The following PPFIBP2 variants were observed in gnomAD, a reference collection of about 807,000 sequenced individuals.
PPFIBP2 encodes PPFIB scaffold protein 2.
PPFIBP2 carries 118 observed loss-of-function variants against 118.3 expected under a neutral mutation model. That is an observed-to-expected ratio of 1.00 (90% CI 0.86 to 1.16). The LOEUF is 1.16. Among genes scored for constraint, PPFIBP2 ranks in the 50% most tolerant of loss-of-function variants. The pLI is 0.00. For synonymous variants in PPFIBP2, 414 were observed against 397.4 expected, an observed-to-expected ratio of 1.04 and a Z score of -0.50; for missense variants, 1,195 against 1,073.1, an observed-to-expected ratio of 1.11 and a Z score of -1.59.
At chr11:7,521,010 G>C (rs1179558290) in intron 1 of PPFIBP2, among the ~76,000 whole-genome samples, 1 of 152,170 alleles carries the variant, frequency 6.6e-6, no homozygotes, top group Non-Finnish European at 1.5e-5. Context: ...AGAATAATCT[G>C]TTTAGCTTTA....
In PPFIBP2 at chr11:7,642,369, T is replaced by C. The variant is rs760055395; in HGVS notation, c.1589T>C (p.Leu530Pro). 4 of 1,613,950 alleles carry C rather than the reference T, an allele frequency of 2.5e-6. No homozygotes were observed. The highest frequency in any genetic ancestry group is 2.2e-5 in the South Asian group (2 of 91,064). ...LGMAEFRRGGLRATAGPRLSR... is the reference protein window; with the variant it reads ...LGMAEFRRGGPRATAGPRLSR... ...ATGGCAGAGTTTCGACGAGGTGGGC[T>C]CCGGGCAACCGCAGGGCCAAGACTC... is the stretch of plus-strand genomic sequence containing the variant. Residue 530 changes from leucine to proline, a missense_variant, in exon 17 of 24, where the codon CTC becomes CCC. Physicochemically the swap from Leu to Pro is moderately conservative, Grantham distance 98. Coordinates refer to ENST00000299492, the MANE Select transcript of PPFIBP2 (RefSeq NM_003621.5).
At chr11:7,606,778 A>G (rs551383917) in intron 5 of PPFIBP2, among the ~76,000 whole-genome samples, 110 of 151,288 alleles carry the variant, frequency 7.3e-4, no homozygotes, top group Admixed American at 1.9e-3. Flanking sequence ...TTTGGCAATG[A>G]TGGAAGCAGA....
At chr11:7,639,962 C>T in intron 15 of PPFIBP2, 92 bp downstream of exon 15, 1 of 1,490,450 alleles carries the variant, frequency 6.7e-7, no homozygotes. Context: ...CCACCACAAT[C>T]CACAATTGGA....
chr11:7,616,787 C>T lies in PPFIBP2; in HGVS notation c.619-4148C>T, dbSNP rs1355351992. ...GTGTTTGTGTGTGTGCCCCAGTGTG[C>T]ACCCATCTCTGCTATTGCTTCTGCT... On this transcript the variant is annotated intron_variant, in intron 6 of 23. Transcript: ENST00000299492. This position sits in a 1 kb window ranked among gnomAD's most constrained non-coding sequence, Gnocchi z 5.2. Among the ~76,000 whole-genome samples the T allele has an allele frequency of 6.6e-6, 1 of 151,840 alleles. No individual in the cohort carries two copies. The highest frequency in any genetic ancestry group is 1.5e-5 in the Non-Finnish European group (1 of 68,004).
chr11:7,592,333 AT>A (rs1306453982), intron 3 of PPFIBP2, among the ~76,000 whole-genome samples: 2 of 152,020 alleles, frequency 1.3e-5, no homozygotes, highest in Admixed American at 6.6e-5. Flanking sequence ...TGCTTGGGAC[AT>A]TTGTAAGATT....
intron 1 of PPFIBP2, among the ~76,000 whole-genome samples, chr11:7,530,576 A>G (rs1850600922): frequency 6.6e-6 from 1 of 152,220 alleles, no homozygotes; most frequent in African/African-American, 2.4e-5. Flanking sequence ...TCTGTGAACC[A>G]AGAAGCAATC....
intron 17 of PPFIBP2, among the ~76,000 whole-genome samples, chr11:7,645,045 A>C (rs1391405746): frequency 5.4e-5 from 8 of 147,156 alleles, no homozygotes; most frequent in Non-Finnish European, 9.1e-5. Flanking sequence ...AAAAAAAAAA[A>C]AAAAAAAAAA....
chr11:7,558,832 A>G (rs1185164006), intron 2 of PPFIBP2, among the ~76,000 whole-genome samples: 4 of 152,186 alleles, frequency 2.6e-5, no homozygotes, highest in Non-Finnish European at 5.9e-5. Flanking sequence ...TATCCTCAAA[A>G]ATAATTATTA....
At chr11:7,643,173 A>G (rs7103617) in intron 17 of PPFIBP2, among the ~76,000 whole-genome samples, 12,580 of 152,292 alleles carry the variant, frequency 0.083, 574 homozygotes, top group African/African-American at 0.12. Context: ...TGTATATTCA[A>G]TAATTAGATA....
At chr11:7,666,071 G>A in the PPFIBP2 span, 1 of 676,006 alleles carries the variant, frequency 1.5e-6, no homozygotes, top group East Asian at 2.7e-5. Flanking sequence ...CAGGTGAGGT[G>A]GGCGGTAAGG....
At chr11:7,651,216 T>G in intron 22 of PPFIBP2, 1 of 400,264 alleles carries the variant, frequency 2.5e-6, no homozygotes, top group Non-Finnish European at 4.5e-6. Flanking sequence ...ATGGGTTGCA[T>G]GGAGACCAAC....
chr11:7,543,113 A>G (rs193189085), intron 1 of PPFIBP2, among the ~76,000 whole-genome samples: 82 of 152,350 alleles, frequency 5.4e-4, no homozygotes, highest in African/African-American at 1.9e-3. Context: ...CGCTGCCATC[A>G]AATTCCTTCA....
intron 2 of PPFIBP2, among the ~76,000 whole-genome samples, chr11:7,553,723 G>A (rs1853259334): frequency 6.6e-6 from 1 of 152,216 alleles, no homozygotes; most frequent in Non-Finnish European, 1.5e-5. Context: ...CCTAGAAAGT[G>A]CTTAATTGAT....
At chr11:7,520,503 A>G (rs1347921460) in intron 1 of PPFIBP2, among the ~76,000 whole-genome samples, 1 of 151,284 alleles carries the variant, frequency 6.6e-6, no homozygotes, top group Non-Finnish European at 1.5e-5. Context: ...ACTTGGCCAT[A>G]AGATTTTTTT....
At chr11:7,607,386 T>G (rs907255966) in intron 5 of PPFIBP2, among the ~76,000 whole-genome samples, 4 of 151,350 alleles carry the variant, frequency 2.6e-5, no homozygotes, top group African/African-American at 9.7e-5. Flanking sequence ...ATTTTTTTTT[T>G]GCGTATGTAT....
chr11:7,664,559 T>C, the PPFIBP2 span, among the ~76,000 whole-genome samples: 8 of 152,204 alleles, frequency 5.3e-5, no homozygotes, highest in African/African-American at 1.9e-4. Flanking sequence ...CTTTGTTATC[T>C]GTTCCCTGAG....
intron 2 of PPFIBP2, among the ~76,000 whole-genome samples, chr11:7,563,950 G>A (rs1260503593): frequency 2.6e-5 from 4 of 152,120 alleles, no homozygotes; most frequent in Non-Finnish European, 4.4e-5. Context: ...TGGATCATGA[G>A]GTCAGGAGAT....
intron 3 of PPFIBP2, among the ~76,000 whole-genome samples, chr11:7,588,104 G>T (rs1858541974): frequency 6.6e-6 from 1 of 152,146 alleles, no homozygotes; most frequent in African/African-American, 2.4e-5. Context: ...CAGAAATCTT[G>T]ATTTCTTTGA....
At chr11:7,653,915 G>A (rs572654853), downstream of PPFIBP2, 20 of 710,668 alleles carry the variant, frequency 2.8e-5, no homozygotes, top group Middle Eastern at 5.8e-4. Flanking sequence ...AGAGCAAGGC[G>A]GGACCCCCTC....
Sources: allele counts gnomAD v4.1 joint callset (sites outside exome capture counted in the v4.1 genomes callset), GRCh38; gene constraint gnomAD v4.1.1; non-coding constraint Gnocchi (gnomAD v3.1); transcripts MANE v1.5; gene names NCBI Gene and HGNC (gene_info 2026-07-23, HGNC 2026-07-21).